The following NXPH1 variants were observed in gnomAD, a reference collection of about 807,000 sequenced individuals.
NXPH1 encodes the protein neurexophilin 1.
Under a neutral mutation model 23.7 loss-of-function variants are expected in NXPH1, and 5 were observed. The observed-to-expected ratio is 0.21, with a 90% CI of 0.11 to 0.44. NXPH1 has a LOEUF of 0.44. Ranked by LOEUF, NXPH1 falls within the 20% of genes least tolerant of loss-of-function variation. The pLI is 0.99. For missense variants in NXPH1, 324 were observed against 321.6 expected (o/e 1.01, Z -0.06); for synonymous variants, 144 against 122.2 (o/e 1.18, Z -1.18).
intron 2 of NXPH1, among the ~76,000 whole-genome samples, chr7:8,559,517 T>C (rs1818408440): frequency 6.6e-6 from 1 of 151,728 alleles, no homozygotes; most frequent in African/African-American, 2.4e-5. Flanking sequence ...CCTACTTTCT[T>C]AAGACACAGT....
intron 2 of NXPH1, among the ~76,000 whole-genome samples, chr7:8,439,488 A>C (rs969355336): frequency 6.6e-6 from 1 of 152,272 alleles, no homozygotes; most frequent in Non-Finnish European, 1.5e-5. Context: ...CCGACAAGGC[A>C]TTGTATAAAG....
At chr7:8,508,845 A>C (rs1000156251) in intron 2 of NXPH1, among the ~76,000 whole-genome samples, 5 of 152,110 alleles carry the variant, frequency 3.3e-5, no homozygotes, top group Non-Finnish European at 7.4e-5. Context: ...GTCTTGTAAA[A>C]GGAAAGATAT....
At chr7:8,456,868 T>C (rs972298685) in intron 2 of NXPH1, among the ~76,000 whole-genome samples, 2 of 152,160 alleles carry the variant, frequency 1.3e-5, no homozygotes, top group Admixed American at 1.3e-4. Flanking sequence ...GTGTTTTAAG[T>C]TTATTCCTTG....
intron 2 of NXPH1, among the ~76,000 whole-genome samples, chr7:8,461,579 C>G (rs1261305252): frequency 6.6e-6 from 1 of 151,790 alleles, no homozygotes; most frequent in African/African-American, 2.4e-5. Context: ...GCCTGTAATC[C>G]CAGCACTTTG....
At chr7:8,497,647 G>T (rs1817360587) in intron 2 of NXPH1, among the ~76,000 whole-genome samples, 1 of 152,116 alleles carries the variant, frequency 6.6e-6, no homozygotes, top group South Asian at 2.1e-4. Context: ...TCTTTTGGCT[G>T]CATAAATGTC....
chr7:8,652,515 C>G (rs1210585942), intron 2 of NXPH1, among the ~76,000 whole-genome samples: 1 of 152,104 alleles, frequency 6.6e-6, no homozygotes, highest in African/African-American at 2.4e-5. Flanking sequence ...CAAATTTTAA[C>G]TAATCCTCAA....
At chr7:8,620,019 T>C (rs1819830975) in intron 2 of NXPH1, among the ~76,000 whole-genome samples, 1 of 152,180 alleles carries the variant, frequency 6.6e-6, no homozygotes, top group Non-Finnish European at 1.5e-5. Flanking sequence ...ATCCACGTAC[T>C]GCTGTGCTGT....
chr7:8,740,179 T>C (rs1188796837), intron 2 of NXPH1, among the ~76,000 whole-genome samples: 5 of 152,218 alleles, frequency 3.3e-5, no homozygotes, highest in African/African-American at 9.6e-5. Context: ...CTTGGCATAA[T>C]AGGTCTCATG....
chr7:8,560,804 C>T (rs952729886), intron 2 of NXPH1, among the ~76,000 whole-genome samples: 3 of 151,792 alleles, frequency 2.0e-5, no homozygotes. Flanking sequence ...TTAGCTCCCA[C>T]ATACTTAAAC....
chr7:8,564,383 G>T (rs1163666817), intron 2 of NXPH1, among the ~76,000 whole-genome samples: 5 of 151,874 alleles, frequency 3.3e-5, no homozygotes, highest in African/African-American at 9.6e-5. Context: ...CTGTACAGGG[G>T]ATGATTTTGC....
intron 2 of NXPH1, among the ~76,000 whole-genome samples, chr7:8,594,999 C>A (rs913701695): frequency 6.6e-6 from 1 of 151,980 alleles, no homozygotes; most frequent in African/African-American, 2.4e-5. Context: ...CCTGACAAAG[C>A]TACCGAGGTT....
At chr7:8,733,036 C>T (rs775567598) in intron 2 of NXPH1, among the ~76,000 whole-genome samples, 1 of 152,008 alleles carries the variant, frequency 6.6e-6, no homozygotes, top group Non-Finnish European at 1.5e-5. Flanking sequence ...TAGCCCCCTA[C>T]TACCTGACAG....
rs79713638 is a variant in NXPH1 at position 8,518,571 on chromosome 7, C to T, written c.54+82804C>T. On this transcript the variant is annotated intron_variant, in intron 2 of 2. Transcript: ENST00000405863. ...GAGTGATGCAATCTCACTGTAACCT[C>T]GAACTCCTGGGTTCAAGTGATCCTT... Among the ~76,000 whole-genome samples the T allele has an allele frequency of 3.0e-3, 455 of 152,134 alleles. 2 individuals are homozygous for T. Among genetic ancestry groups the T allele is most frequent in the African/African-American group, 0.011 (440 of 41,512 alleles).
chr7:8,722,313 A>C (rs931238036), intron 2 of NXPH1, among the ~76,000 whole-genome samples: 1 of 152,230 alleles, frequency 6.6e-6, no homozygotes, highest in Non-Finnish European at 1.5e-5. Context: ...AATAGGAATG[A>C]ATGAGATTTT....
intron 2 of NXPH1, among the ~76,000 whole-genome samples, chr7:8,436,376 T>C (rs936172637): frequency 1.3e-4 from 20 of 152,146 alleles, no homozygotes; most frequent in Non-Finnish European, 1.9e-4. Context: ...CCTCCCCTTT[T>C]CATCAAATAA....
At chr7:8,599,339 C>T (rs962582357) in intron 2 of NXPH1, among the ~76,000 whole-genome samples, 2 of 152,126 alleles carry the variant, frequency 1.3e-5, no homozygotes, top group African/African-American at 2.4e-5. Flanking sequence ...CTTAACAATT[C>T]CCTGCCATGA....
chr7:8,683,601 A>G (rs189220628), intron 2 of NXPH1, among the ~76,000 whole-genome samples: 66 of 152,316 alleles, frequency 4.3e-4, no homozygotes, highest in African/African-American at 1.4e-3. Flanking sequence ...TGGGTTTGCC[A>G]TTTATAGTCT....
At chr7:8,676,849 T>A (rs1331737185) in intron 2 of NXPH1, among the ~76,000 whole-genome samples, 1 of 152,164 alleles carries the variant, frequency 6.6e-6, no homozygotes, top group African/African-American at 2.4e-5. Flanking sequence ...TATCAAGAAG[T>A]GTAAAGAGCC....
rs1167961809 is a variant in NXPH1, at chr7:8,693,605, AG to A, written c.55-57402del. 7.9e-5 allele frequency among the ~76,000 whole-genome samples: 12 copies of A among 152,212 alleles called. 1 individual carries two copies. Among genetic ancestry groups the A allele is most frequent in the Non-Finnish European group, 1.5e-4 (10 of 68,040 alleles). On this transcript the variant is annotated intron_variant, in intron 2 of 2. Transcript: ENST00000405863. ...ATTGTTGTCTAATACATTATCATTAAGTGTTATTATTTTTGAAGGTTCATTG... is the reference window on the plus strand; with the variant it reads ...ATTGTTGTCTAATACATTATCATTAATGTTATTATTTTTGAAGGTTCATTG...
Sources: gnomAD v4.1 joint callset for allele counts (sites outside exome capture counted in the v4.1 genomes callset) on GRCh38, gnomAD v4.1.1 for gene constraint, MANE v1.5 for transcripts, NCBI Gene and HGNC (gene_info 2026-07-23, HGNC 2026-07-21) for gene names.